The following ATP8A1 variants were observed in gnomAD, a reference collection of about 807,000 sequenced individuals.
The protein encoded by ATP8A1 is phospholipid-transporting ATPase IA.
Under a neutral mutation model 177.7 loss-of-function variants are expected in ATP8A1, and 90 were observed. The observed-to-expected ratio is 0.51, with a 90% CI of 0.43 to 0.60. ATP8A1 has a LOEUF of 0.60. ATP8A1 is among the 20% of genes least tolerant of loss of function. The pLI is 0.00. For synonymous variants in ATP8A1, 493 were observed against 485.9 expected (o/e 1.01, Z -0.19); for missense variants, 1,072 against 1,392.8 (o/e 0.77, Z 3.67).
At chr4:42,644,624 C>CA (rs1249702585) in intron 1 of ATP8A1, among the ~76,000 whole-genome samples, 1 of 152,044 alleles carries the variant, frequency 6.6e-6, no homozygotes, top group East Asian at 1.9e-4. Flanking sequence ...TGGTGTTTTT[C>CA]TAATCCCCAG....
chr4:42,413,592 A>T (rs1474893988), intron 36 of ATP8A1, among the ~76,000 whole-genome samples: 2 of 152,220 alleles, frequency 1.3e-5, no homozygotes, highest in African/African-American at 4.8e-5. Context: ...TAGACTTAAA[A>T]TCATTTCTAG....
chr4:42,511,549 A>G (rs1481593568), intron 22 of ATP8A1, among the ~76,000 whole-genome samples: 2 of 152,216 alleles, frequency 1.3e-5, no homozygotes, highest in East Asian at 3.8e-4. Flanking sequence ...TGAAAAAATC[A>G]TAAAATAATG....
At chr4:42,507,412 G>A (rs1001692159) in intron 22 of ATP8A1, among the ~76,000 whole-genome samples, 1 of 152,012 alleles carries the variant, frequency 6.6e-6, no homozygotes, top group South Asian at 2.1e-4. Context: ...AATTTGCATA[G>A]AAGGGGAGTA....
chr4:42,657,017 CGG>C lies in ATP8A1; in HGVS notation c.-146_-145del. The C allele has an allele frequency of 1.2e-6, 1 of 823,362 alleles. No individual in the cohort carries two copies. The highest frequency in any genetic ancestry group is 1.6e-6 in the Non-Finnish European group (1 of 613,500). The allele number at this position is 823,362 out of a possible 1,614,324, so 51.0% of individuals were successfully genotyped here. ...CGCCCACCTAGGGCAGAGCTGCCGC[CGG>C]GCGCGGCCCCCGCACGCCGACAGGA... On this transcript the variant is annotated 5_prime_UTR_variant, in exon 1 of 37. Transcript: ENST00000381668.
At chr4:42,424,787 G>A (rs144672158) in intron 33 of ATP8A1, among the ~76,000 whole-genome samples, 99 of 152,206 alleles carry the variant, frequency 6.5e-4, no homozygotes, top group East Asian at 5.0e-3. Flanking sequence ...GATACAGACC[G>A]CAGGTTCAGG....
chr4:42,486,943 T>C (rs371837028), intron 24 of ATP8A1, among the ~76,000 whole-genome samples: 1 of 152,202 alleles, frequency 6.6e-6, no homozygotes, highest in Admixed American at 6.5e-5. Context: ...TTGCCTAATG[T>C]CATGTTTCTC....
intron 23 of ATP8A1, among the ~76,000 whole-genome samples, chr4:42,504,748 G>A (rs1331146042): frequency 6.6e-6 from 1 of 152,252 alleles, no homozygotes; most frequent in African/African-American, 2.4e-5. Flanking sequence ...GAAAGTCAGA[G>A]CATGTCTTTC....
At position 42,656,988 on chromosome 4, in the gene ATP8A1, C is replaced by T; in HGVS notation, c.-115G>A. On this transcript the variant is annotated 5_prime_UTR_variant, in exon 1 of 37. Transcript: ENST00000381668. Reference sequence around the variant, plus strand: ...GCGCTCAGCTGCAGCCTGGGCCGCGCCGCCGCCCACCTAGGGCAGAGCTGC... The same window carrying T: ...GCGCTCAGCTGCAGCCTGGGCCGCGTCGCCGCCCACCTAGGGCAGAGCTGC... 9.0e-7 allele frequency: 1 copy of T among 1,115,378 alleles called. No homozygotes were observed. The allele number at this position is 1,115,378 out of a possible 1,614,324, so 69.1% of individuals were successfully genotyped here.
intron 4 of ATP8A1, among the ~76,000 whole-genome samples, chr4:42,616,805 G>C (rs10517044): frequency 0.23 from 34,390 of 152,096 alleles, 4,356 homozygotes; most frequent in Non-Finnish European, 0.29. Flanking sequence ...TATAGCAGTG[G>C]GTAAGAAGAA....
At chr4:42,414,800 T>C (rs1441631613) in intron 35 of ATP8A1, 82 bp from the exon 36 acceptor site, 4 of 1,010,888 alleles carry the variant, frequency 4.0e-6, no homozygotes, top group Non-Finnish European at 6.3e-6. Context: ...CCAAAGAGAG[T>C]TAGACTTAAA....
chr4:42,462,094 G>A (rs977296410), intron 27 of ATP8A1, among the ~76,000 whole-genome samples: 12 of 152,146 alleles, frequency 7.9e-5, no homozygotes, highest in Middle Eastern at 3.2e-3. Context: ...GTTTTGTAAG[G>A]GAAGCAGAGC....
intron 1 of ATP8A1, among the ~76,000 whole-genome samples, chr4:42,627,488 A>G (rs10938200): frequency 6.6e-6 from 1 of 152,132 alleles, no homozygotes; most frequent in Admixed American, 6.5e-5. Flanking sequence ...GTCAAAAATT[A>G]AAGCATATGC....
In ATP8A1 at chr4:42,510,579, T is replaced by A. The variant is rs943960173; in HGVS notation, c.1948-3425A>T. The stretch of plus-strand genomic sequence containing the variant: ...CTTATTAATACAAGCCCTCAAAATT[T>A]CCTGCAAAAATATTTTTTTGCAATA... On this transcript the variant is annotated intron_variant, in intron 22 of 36. Coordinates refer to ENST00000381668, the MANE Select transcript of ATP8A1 (RefSeq NM_006095.2). Among the ~76,000 whole-genome samples, 3 of 152,240 alleles carry A rather than the reference T, an allele frequency of 2.0e-5. No individual in the cohort carries two copies. The East Asian group carries it at 5.8e-4, about 29-fold the overall frequency.
At chr4:42,426,153 G>A (rs1443093814) in intron 33 of ATP8A1, among the ~76,000 whole-genome samples, 1 of 152,146 alleles carries the variant, frequency 6.6e-6, no homozygotes, top group Non-Finnish European at 1.5e-5. Flanking sequence ...CCAAGTCAGG[G>A]GGCATGACCG....
At chr4:42,428,487 T>G (rs746093007) in intron 33 of ATP8A1, among the ~76,000 whole-genome samples, 9 of 152,234 alleles carry the variant, frequency 5.9e-5, no homozygotes, top group Non-Finnish European at 8.8e-5. Flanking sequence ...TCTGTTGTGC[T>G]TTAGCATCTT....
intron 1 of ATP8A1, among the ~76,000 whole-genome samples, chr4:42,643,736 C>T (rs1740237888): frequency 6.6e-6 from 1 of 152,186 alleles, no homozygotes; most frequent in African/African-American, 2.4e-5. Flanking sequence ...TTGGTCTCCT[C>T]ACTATCCAAC....
chr4:42,554,613 C>T (rs1004202948), intron 16 of ATP8A1, among the ~76,000 whole-genome samples: 1 of 152,180 alleles, frequency 6.6e-6, no homozygotes, highest in Non-Finnish European at 1.5e-5. Context: ...GGGTAACAAT[C>T]ATGAGTTCAA....
At position 42,505,135 on chromosome 4, in the gene ATP8A1, G is replaced by A. The variant is rs532660884; in HGVS notation, c.2087-1621C>T. ...GCTTTTCTAATTTACTTTACTGTGCGTTTCTCTGACTAGTATCTGAGCTCC... is the reference window on the plus strand; with the variant it reads ...GCTTTTCTAATTTACTTTACTGTGCATTTCTCTGACTAGTATCTGAGCTCC... On this transcript the variant is annotated intron_variant, in intron 23 of 36. Coordinates refer to ENST00000381668, the MANE Select transcript of ATP8A1 (RefSeq NM_006095.2). 5.3e-5 allele frequency among the ~76,000 whole-genome samples: 8 copies of A among 152,180 alleles called. No individual in the cohort carries two copies. In the South Asian group the frequency reaches 6.2e-4, roughly 12 times the overall value.
At chr4:42,523,501 A>G (rs1007794130) in intron 21 of ATP8A1, among the ~76,000 whole-genome samples, 1 of 152,180 alleles carries the variant, frequency 6.6e-6, no homozygotes, top group Non-Finnish European at 1.5e-5. Context: ...CAGATCACTG[A>G]GAGTGGAACT....
Sources: gnomAD v4.1 joint callset for allele counts (sites outside exome capture counted in the v4.1 genomes callset) on GRCh38, gnomAD v4.1.1 for gene constraint, MANE v1.5 for transcripts, NCBI Gene and HGNC (gene_info 2026-07-23, HGNC 2026-07-21) for gene names.